The following ENPP6 variants were observed in gnomAD, a reference collection of about 807,000 sequenced individuals.
The protein encoded by ENPP6 is glycerophosphocholine cholinephosphodiesterase ENPP6.
A neutral mutation model predicts 42.0 loss-of-function variants in ENPP6; 32 were observed. That is an observed-to-expected ratio of 0.76 (90% CI 0.58 to 1.02). The LOEUF is 1.02. Ranked by LOEUF, ENPP6 falls within the 50% of genes least tolerant of loss-of-function variation. The pLI is 0.00. For synonymous variants in ENPP6, 213 were observed against 216.0 expected, an observed-to-expected ratio of 0.99 and a Z score of 0.12; for missense variants, 552 against 566.8, an observed-to-expected ratio of 0.97 and a Z score of 0.27.
chr4:184,121,628 C>T (rs1579619980), intron 3 of ENPP6, among the ~76,000 whole-genome samples: 1 of 152,230 alleles, frequency 6.6e-6, no homozygotes, highest in Non-Finnish European at 1.5e-5. Flanking sequence ...AGACATGCTC[C>T]TCTTTCAAGG....
chr4:184,205,607 G>A (rs1396582102), intron 1 of ENPP6, among the ~76,000 whole-genome samples: 1 of 152,234 alleles, frequency 6.6e-6, no homozygotes, highest in African/African-American at 2.4e-5. Flanking sequence ...ACAGAGGAGT[G>A]GTGTCATCAG....
Position 184,089,253 on chromosome 4 carries a change from A to C in ENPP6, c.*1924T>G, listed in dbSNP as rs578045909. The C allele has an allele frequency of 1.3e-5, 2 of 152,302 alleles. No homozygotes were observed. Among genetic ancestry groups the C allele is most frequent in the Admixed American group, 1.3e-4 (2 of 15,290 alleles). The allele number at this position is 152,302 out of a possible 1,614,324, so 9.4% of individuals were successfully genotyped here. ...ATCTTTAGAAATCTTTTGTGAAGGT[A>C]AATTCAGTATTTTTAAGCAGTGATC... On this transcript the variant is annotated 3_prime_UTR_variant, in exon 8 of 8. Transcript: ENST00000296741.
intron 2 of ENPP6, 109 bp from the exon 3 acceptor site, chr4:184,124,381 T>A: frequency 1.3e-6 from 1 of 773,588 alleles, no homozygotes; most frequent in South Asian, 1.8e-5. Flanking sequence ...AATAAAAATG[T>A]TGAGTATTTT....
intron 1 of ENPP6, among the ~76,000 whole-genome samples, chr4:184,190,481 C>A (rs4452474): frequency 0.8 from 120,987 of 152,160 alleles, 48,918 homozygotes; most frequent in East Asian, 0.98. Context: ...TAAGACTAAA[C>A]ATATCACCCT....
intron 2 of ENPP6, among the ~76,000 whole-genome samples, chr4:184,135,856 T>C (rs1736723310): frequency 6.6e-6 from 1 of 152,188 alleles, no homozygotes; most frequent in Admixed American, 6.6e-5. Context: ...CACTGCACAT[T>C]AGCTTCACCT....
chr4:184,090,934 A>G lies in ENPP6; in HGVS notation c.*243T>C. ...GAGTAACGTGAAAAGAAAGGAGAAA[A>G]TGACATATAACTGCACAAATGGAAA... On this transcript the variant is annotated 3_prime_UTR_variant, in exon 8 of 8. Coordinates refer to ENST00000296741, the MANE Select transcript of ENPP6 (RefSeq NM_153343.4). The G allele has an allele frequency of 2.2e-6, 1 of 452,704 alleles. No homozygotes were observed. The highest frequency in any genetic ancestry group is 3.8e-6 in the Non-Finnish European group (1 of 260,856). 28.0% of individuals were successfully genotyped at this position (452,704 alleles called of 1,614,324 possible). A position where few individuals can be genotyped will look rare whatever the true frequency, so the allele number is the denominator to read the frequency against.
intron 7 of ENPP6, among the ~76,000 whole-genome samples, chr4:184,094,387 T>C (rs1026980144): frequency 1.3e-5 from 2 of 152,266 alleles, no homozygotes; most frequent in Non-Finnish European, 2.9e-5. Context: ...ACTGGAAATA[T>C]GAAATCGAAT....
chr4:184,134,129 G>GTTATTTATTTATTTATTTAT (rs1176651876), intron 2 of ENPP6, among the ~76,000 whole-genome samples: 1 of 64,936 alleles, frequency 1.5e-5, no homozygotes, highest in African/African-American at 5.0e-5. Flanking sequence ...CATTATGGAA[G>GTTATTTATTTATTTATTTAT]TGATTTATTT....
chr4:184,162,562 AG>A (rs1737282624), intron 1 of ENPP6, among the ~76,000 whole-genome samples: 3 of 73,050 alleles, frequency 4.1e-5, no homozygotes. Context: ...GAAGGAAAGA[AG>A]GAAGGAAGGA....
Position 184,207,627 on chromosome 4 carries a change from C to G in ENPP6, c.241+9952G>C, listed in dbSNP as rs188666299. ...CTAAAGTAAGATGTAGAGACACACA[C>G]CACGCCGGTGGCTGTTTCTTCCAGC... On this transcript the variant is annotated intron_variant, in intron 1 of 7. Coordinates refer to ENST00000296741, the MANE Select transcript of ENPP6 (RefSeq NM_153343.4). Among the ~76,000 whole-genome samples, 25 of 152,360 alleles carry G rather than the reference C, an allele frequency of 1.6e-4. 1 individual carries two copies. Among genetic ancestry groups the G allele is most frequent in the Admixed American group, 1.2e-3 (19 of 15,308 alleles).
At chr4:184,145,312 C>A (rs1017303774) in intron 2 of ENPP6, among the ~76,000 whole-genome samples, 2 of 152,330 alleles carry the variant, frequency 1.3e-5, no homozygotes, top group Non-Finnish European at 2.9e-5. Flanking sequence ...TCCCTGCCTC[C>A]TTTTCTTTCT....
chr4:184,215,363 G>C (rs146322303), intron 1 of ENPP6, among the ~76,000 whole-genome samples: 2 of 152,304 alleles, frequency 1.3e-5, no homozygotes, highest in Non-Finnish European at 2.9e-5. Flanking sequence ...CATATGTTTA[G>C]CTACAATTCC....
intron 1 of ENPP6, among the ~76,000 whole-genome samples, chr4:184,206,001 T>C: frequency 6.6e-6 from 1 of 152,098 alleles, no homozygotes; most frequent in East Asian, 1.9e-4. Context: ...GGGAGGACAC[T>C]GTTCCAAACA....
chr4:184,133,112 C>T (rs1204473831), intron 2 of ENPP6, among the ~76,000 whole-genome samples: 1 of 151,092 alleles, frequency 6.6e-6, no homozygotes, highest in Non-Finnish European at 1.5e-5. Context: ...ATAGTTTCAG[C>T]TATTCTGGAG....
At chr4:184,204,593 A>G (rs952149906) in intron 1 of ENPP6, among the ~76,000 whole-genome samples, 2 of 152,134 alleles carry the variant, frequency 1.3e-5, no homozygotes, top group Non-Finnish European at 2.9e-5. Context: ...TGTGCTGACC[A>G]CTGGTTCCTG....
At chr4:184,130,869 A>G (rs1736594978) in intron 2 of ENPP6, among the ~76,000 whole-genome samples, 2 of 152,228 alleles carry the variant, frequency 1.3e-5, no homozygotes, top group South Asian at 4.1e-4. Flanking sequence ...TATGCCAATT[A>G]GGACACAGAA....
At chr4:184,103,695 G>A (rs1736042172) in intron 6 of ENPP6, among the ~76,000 whole-genome samples, 1 of 152,258 alleles carries the variant, frequency 6.6e-6, no homozygotes, top group African/African-American at 2.4e-5. Context: ...CCTGCAAAGA[G>A]GCTTCCAGCC....
At chr4:184,102,152 G>A (rs138396684) in intron 6 of ENPP6, among the ~76,000 whole-genome samples, 1 of 152,190 alleles carries the variant, frequency 6.6e-6, no homozygotes, top group Non-Finnish European at 1.5e-5. Flanking sequence ...CTTTACCTCC[G>A]AATCAGAAAC....
intron 6 of ENPP6, among the ~76,000 whole-genome samples, chr4:184,104,224 G>A (rs546377681): frequency 6.6e-6 from 1 of 152,182 alleles, no homozygotes. Flanking sequence ...TTTCCAGATT[G>A]TCTTGATTTC....
Sources: gnomAD v4.1 joint callset for allele counts (sites outside exome capture counted in the v4.1 genomes callset) on GRCh38, gnomAD v4.1.1 for gene constraint, MANE v1.5 for transcripts, NCBI Gene and HGNC (gene_info 2026-07-23, HGNC 2026-07-21) for gene names.